Variants in PLA2G4F observed in about 807,000 individuals in gnomAD.
The protein encoded by PLA2G4F is cytosolic phospholipase A2 zeta.
Under a neutral mutation model 103.1 loss-of-function variants are expected in PLA2G4F, and 105 were observed. The observed-to-expected ratio is 1.02, with a 90% CI of 0.87 to 1.20. The LOEUF (loss-of-function observed/expected upper bound fraction) is 1.20, where lower values mean the gene tolerates loss of function less well. PLA2G4F is among the 50% of genes most tolerant of loss of function. The pLI is 0.00. For missense variants in PLA2G4F, 1,155 were observed against 1,075.9 expected (o/e 1.07, Z -1.03); for synonymous variants, 468 against 441.1 (o/e 1.06, Z -0.76).
chr15:42,140,801 AG>A lies in PLA2G4F; in HGVS notation c.*1182del, dbSNP rs772041627. ...GCAGCCAAGAGGGAGCCCCTGGGACAGGGGGCAGAAGGAACAAGGTCTCAAG... is the reference window on the plus strand; with the variant it reads ...GCAGCCAAGAGGGAGCCCCTGGGACAGGGGCAGAAGGAACAAGGTCTCAAG... On this transcript the variant is annotated 3_prime_UTR_variant, in exon 20 of 20. Transcript: ENST00000397272. 4.8e-5 allele frequency: 8 copies of A among 166,610 alleles called. No homozygotes were observed. The highest frequency in any genetic ancestry group is 3.0e-3 in the Middle Eastern group (1 of 330). 10.3% of individuals were successfully genotyped at this position (166,610 alleles called of 1,614,324 possible). A position where few individuals can be genotyped will look rare whatever the true frequency, so the allele number is the denominator to read the frequency against.
intron 18 of PLA2G4F, 91 bp from the exon 19 acceptor site, chr15:42,142,805 G>A (rs1371380654): frequency 3.7e-6 from 5 of 1,348,804 alleles, no homozygotes; most frequent in Non-Finnish European, 5.2e-6. Context: ...TTCAATGCCA[G>A]CTCTGTTTCT....
chr15:42,146,764 G>A (rs147082941), intron 13 of PLA2G4F: 3,346 of 251,736 alleles, frequency 0.013, 39 homozygotes, highest in Middle Eastern at 0.032. Context: ...TGGGTGTGGC[G>A]CTGGGCCTCA....
In PLA2G4F at chr15:42,141,104, G is replaced by C. The variant is rs903766653; in HGVS notation, c.*880C>G. The C allele has an allele frequency of 1.0e-5, 4 of 400,114 alleles. No homozygotes were observed. Among genetic ancestry groups the C allele is most frequent in the South Asian group, 7.3e-5 (4 of 54,652 alleles). 24.8% of individuals were successfully genotyped at this position (400,114 alleles called of 1,614,324 possible). A position where few individuals can be genotyped will look rare whatever the true frequency, so the allele number is the denominator to read the frequency against. ...CCCTCTGCACTGCCCATGCCTTGGA[G>C]TAACCCACCTCCAGGAACTTGCACA... On this transcript the variant is annotated 3_prime_UTR_variant, in exon 20 of 20. Coordinates refer to ENST00000397272, the MANE Select transcript of PLA2G4F (RefSeq NM_213600.4).
chr15:42,150,290 C>T, intron 9 of PLA2G4F, 83 bp downstream of exon 9: 1 of 1,531,412 alleles, frequency 6.5e-7, no homozygotes, highest in Non-Finnish European at 8.9e-7. Flanking sequence ...ATCCAGCCAC[C>T]CTCTTGGGTC....
intron 19 of PLA2G4F, 108 bp downstream of exon 19, chr15:42,142,420 C>T (rs1489205050): frequency 7.3e-7 from 1 of 1,364,360 alleles, no homozygotes; most frequent in East Asian, 2.4e-5. Flanking sequence ...CTCAGGCCCA[C>T]CAGGAGGCGT....
intron 13 of PLA2G4F, among the ~76,000 whole-genome samples, chr15:42,146,492 G>A (rs1190790074): frequency 3.3e-5 from 5 of 152,334 alleles, no homozygotes; most frequent in East Asian, 3.9e-4. Flanking sequence ...TCAAAACAGC[G>A]TATCAGAACA....
Position 42,142,563 on chromosome 15 carries a change from AG to A in PLA2G4F, c.2293del (p.Leu765TrpfsTer38). The A allele has an allele frequency of 6.2e-7, 1 of 1,613,900 alleles. No homozygotes were observed. The highest frequency in any genetic ancestry group is 8.5e-7 in the Non-Finnish European group (1 of 1,179,914). ...PRSPIVLHFP[L>X]VNRTFRTHLA... ...GTGTGTGCGGAAGGTACGGTTAACC[AG>A]GGGGAAGTGCAGCACAATGGGGGAG... On this transcript the variant is annotated frameshift_variant, in exon 19 of 20. Coordinates refer to ENST00000397272, the MANE Select transcript of PLA2G4F (RefSeq NM_213600.4). LOFTEE classifies it low-confidence loss of function (END_TRUNC).
chr15:42,151,723 G>A, intron 7 of PLA2G4F: 1 of 888,516 alleles, frequency 1.1e-6, no homozygotes, highest in Non-Finnish European at 1.3e-6. Context: ...GGACTGAGAT[G>A]GAGACGTGCT....
chr15:42,142,658 G>A lies in PLA2G4F; in HGVS notation c.2199C>T (p.Ile733=), dbSNP rs201484305. The change falls in exon 19 of 20, where the codon ATC becomes ATT. Residue 733 remains isoleucine (I), a synonymous_variant. Transcript: ENST00000397272. The stretch of plus-strand genomic sequence containing the variant: ...CCTCCATGTCCTCAGGGCCCACCTC[G>A]ATGCTAGGGAAGGGGATTCCTCGGT... ...CLDRGIPFPS[I]EVGPEDMEEA... The A allele has an allele frequency of 5.2e-5, 84 of 1,613,956 alleles. No individual in the cohort carries two copies. Among genetic ancestry groups the A allele is most frequent in the Admixed American group, 2.3e-4 (14 of 60,004 alleles).
intron 18 of PLA2G4F, among the ~76,000 whole-genome samples, chr15:42,143,176 TAAAAAAAAAAAAAAAAAAAA>T: frequency 1.1e-5 from 1 of 89,690 alleles, no homozygotes; most frequent in East Asian, 2.6e-4. Context: ...AGACTCCATC[TAAAAAAAAAAAAAAAAAAAA>T]AAAAAAAAAG....
intron 11 of PLA2G4F, 112 bp from the exon 12 acceptor site, chr15:42,147,874 A>T (rs2048911209): frequency 6.9e-7 from 1 of 1,446,678 alleles, no homozygotes; most frequent in Non-Finnish European, 9.3e-7. Context: ...TATCTCATTG[A>T]ATCCTCACAG....
intron 11 of PLA2G4F, chr15:42,148,616 C>T (rs928711507): frequency 1.8e-5 from 18 of 984,880 alleles, no homozygotes; most frequent in Middle Eastern, 5.2e-4. Context: ...AATTGTCCCC[C>T]GTTGAGCACC....
At position 42,143,176 on chromosome 15, in the gene PLA2G4F, TAAAAAAAA is replaced by T. The variant is rs56171986; in HGVS notation, c.2143-470_2143-463del. The stretch of plus-strand genomic sequence containing the variant: ...CCTGGTGACAGAGTGAGACTCCATC[TAAAAAAAA>T]AAAAAAAAAAAAAAAAAAAAAGCTC... On this transcript the variant is annotated intron_variant, in intron 18 of 19. Transcript: ENST00000397272. Among the ~76,000 whole-genome samples, 98 of 89,682 alleles carry T rather than the reference TAAAAAAAA, an allele frequency of 1.1e-3. 2 individuals are homozygous for T. Among genetic ancestry groups the T allele is most frequent in the Non-Finnish European group, 1.4e-3 (60 of 44,338 alleles). 58.8% of individuals were successfully genotyped at this position (89,682 alleles called of 152,430 possible).
At position 42,142,108 on chromosome 15, in the gene PLA2G4F, G is replaced by T. The variant is rs763063941; in HGVS notation, c.2426C>A (p.Pro809His). 6.2e-7 allele frequency: 1 copy of T among 1,614,060 alleles called. No individual in the cohort carries two copies. Among genetic ancestry groups the T allele is most frequent in the Admixed American group, 1.7e-5 (1 of 60,030 alleles). The change falls in exon 20 of 20, where the codon CCC (proline) becomes CAC (histidine). Residue 809 changes from proline to histidine, a missense_variant. Physicochemically the swap from Pro to His is moderately conservative, Grantham distance 77. Transcript: ENST00000397272. ...GGCCACCAGCCGATAAAAGTCCTGG[G>T]GCTCATAGGTGAAGTTCATCATGCC... ...PYGMMNFTYEPQDFYRLVALS... is the reference protein window; with the variant it reads ...PYGMMNFTYEHQDFYRLVALS...
At chr15:42,155,628 T>C (rs372568611) in intron 1 of PLA2G4F, 39 bp from the exon 2 acceptor site, 21 of 1,591,680 alleles carry the variant, frequency 1.3e-5, no homozygotes, top group Non-Finnish European at 1.3e-5. Context: ...TCAGCTAGTG[T>C]GAGCCTGGTC....
intron 13 of PLA2G4F, 72 bp from the exon 14 acceptor site, chr15:42,146,313 G>A: frequency 6.3e-6 from 9 of 1,419,458 alleles, no homozygotes; most frequent in Non-Finnish European, 8.9e-6. Flanking sequence ...CCTGGGGCCG[G>A]CACCCTGCAA....
chr15:42,147,602 G>A lies in PLA2G4F; in HGVS notation c.1196+24C>T, dbSNP rs372211465. On this transcript the variant is annotated intron_variant, in intron 12 of 19. Transcript: ENST00000397272. ...CACTTTGTGGGGTCTCCTTTACCCT[G>A]TGCCCTGCCCCCACCTCACTTACCA... 1.7e-4 allele frequency: 280 copies of A among 1,612,580 alleles called. No individual in the cohort carries two copies. In the African/African-American group the frequency reaches 3.1e-3, roughly 18 times the overall value.
intron 4 of PLA2G4F, 104 bp downstream of exon 4, chr15:42,153,988 G>A (rs1016818043): frequency 1.2e-5 from 18 of 1,536,336 alleles, no homozygotes; most frequent in Non-Finnish European, 1.6e-5. Flanking sequence ...AGGAAGGTCT[G>A]CCTTGGAGGC....
At position 42,156,473 on chromosome 15, in the gene PLA2G4F, C is replaced by T. The variant is rs1346873313; in HGVS notation, c.77G>A (p.Arg26Lys). 6.4e-7 allele frequency: 1 copy of T among 1,565,800 alleles called. No homozygotes were observed. The change falls in exon 1 of 20, where the codon AGA (arginine) becomes AAA (lysine). Residue 26 changes from arginine (R) to lysine (K), a missense_variant. By Grantham distance (26) the Arg-to-Lys change is conservative. Coordinates refer to ENST00000397272, the MANE Select transcript of PLA2G4F (RefSeq NM_213600.4). Reference sequence around the variant, plus strand: ...CCTCCACAGAGGGCCCCTCTTCTCTCTCTTCTGAAGCAGCACTGCCCCCAG... The same window carrying T: ...CCTCCACAGAGGGCCCCTCTTCTCTTTCTTCTGAAGCAGCACTGCCCCCAG... ...PLLGAVLLQK[R>K]EKRGPLWRHW...
Sources: gnomAD v4.1 joint callset for allele counts (sites outside exome capture counted in the v4.1 genomes callset) on GRCh38, gnomAD v4.1.1 for gene constraint, MANE v1.5 for transcripts, NCBI Gene and HGNC (gene_info 2026-07-23, HGNC 2026-07-21) for gene names.